SKAP1: variants seen among roughly 807,000 people sequenced by gnomAD.
SKAP1 encodes src kinase associated phosphoprotein 1, also known as src kinase-associated phosphoprotein 1.
SKAP1 carries 44 observed loss-of-function variants against 58.5 expected under a neutral mutation model. That is an observed-to-expected ratio of 0.75 (90% CI 0.59 to 0.97). SKAP1 has a LOEUF of 0.97. Among genes scored for constraint, SKAP1 ranks in the 50% least tolerant of loss-of-function variants. The probability of loss-of-function intolerance (pLI) is 0.00; values close to 1 mark genes in which losing one functional copy is unlikely to be tolerated. For synonymous variants in SKAP1, 127 were observed against 149.7 expected (o/e 0.85, Z 1.11); for missense variants, 390 against 435.2 (o/e 0.90, Z 0.92).
intron 4 of SKAP1, among the ~76,000 whole-genome samples, chr17:48,264,547 T>A (rs2065520581): frequency 6.6e-6 from 1 of 152,158 alleles, no homozygotes. Context: ...GACAACCTAT[T>A]AATCCAAGGC....
At chr17:48,376,049 A>T (rs2067146596) in intron 2 of SKAP1, among the ~76,000 whole-genome samples, 1 of 151,938 alleles carries the variant, frequency 6.6e-6, no homozygotes, top group South Asian at 2.1e-4. Flanking sequence ...TGTACAAATA[A>T]CTCCAGCTGA....
At chr17:48,206,515 T>C (rs931441659) in intron 4 of SKAP1, among the ~76,000 whole-genome samples, 1 of 152,076 alleles carries the variant, frequency 6.6e-6, no homozygotes, top group Non-Finnish European at 1.5e-5. Flanking sequence ...GTAAATAATA[T>C]TTACATAGTT....
chr17:48,390,286 T>G (rs1320173677), intron 2 of SKAP1, among the ~76,000 whole-genome samples: 1 of 152,200 alleles, frequency 6.6e-6, no homozygotes, highest in African/African-American at 2.4e-5. Context: ...TTCATTGGCT[T>G]TCCTTAAACA....
At chr17:48,262,640 T>C (rs1342565335) in intron 4 of SKAP1, among the ~76,000 whole-genome samples, 1 of 152,246 alleles carries the variant, frequency 6.6e-6, no homozygotes. Context: ...AAATTTTAAA[T>C]TTCTTATCCT....
chr17:48,376,120 C>T (rs561843191), intron 2 of SKAP1, among the ~76,000 whole-genome samples: 14 of 146,418 alleles, frequency 9.6e-5, no homozygotes, highest in Non-Finnish European at 1.4e-4. Flanking sequence ...TCACTGTTGA[C>T]GCTTAAAAAC....
At chr17:48,347,039 G>A (rs1454929386) in intron 3 of SKAP1, among the ~76,000 whole-genome samples, 1 of 152,158 alleles carries the variant, frequency 6.6e-6, no homozygotes, top group African/African-American at 2.4e-5. Flanking sequence ...ATATACATTG[G>A]ATTGTATTCT....
chr17:48,324,465 T>A (rs2066406700), intron 4 of SKAP1, among the ~76,000 whole-genome samples: 1 of 152,130 alleles, frequency 6.6e-6, no homozygotes, highest in South Asian at 2.1e-4. Flanking sequence ...TATACATGTT[T>A]TGGTGAAGAG....
At chr17:48,313,525 G>A (rs1309043334) in intron 4 of SKAP1, among the ~76,000 whole-genome samples, 1 of 152,088 alleles carries the variant, frequency 6.6e-6, no homozygotes, top group Non-Finnish European at 1.5e-5. Context: ...GTTTCAAGCT[G>A]CTTGGCAACA....
At chr17:48,264,703 A>T (rs1370616672) in intron 4 of SKAP1, among the ~76,000 whole-genome samples, 3 of 151,970 alleles carry the variant, frequency 2.0e-5, no homozygotes, top group Non-Finnish European at 4.4e-5. Flanking sequence ...TTCTATCTTT[A>T]AATAAAGCAA....
At chr17:48,370,575 G>A (rs2067071050) in intron 2 of SKAP1, among the ~76,000 whole-genome samples, 1 of 152,122 alleles carries the variant, frequency 6.6e-6, no homozygotes, top group South Asian at 2.1e-4. Context: ...CGGATTACAA[G>A]CGTGAGCCAC....
rs571840023 is a variant in SKAP1 at position 48,165,558 on chromosome 17, G to A, written c.878-2989C>T. 1.1e-3 allele frequency among the ~76,000 whole-genome samples: 173 copies of A among 151,890 alleles called. 1 individual carries two copies. The highest frequency in any genetic ancestry group is 3.9e-3 in the African/African-American group (162 of 41,412). On this transcript the variant is annotated intron_variant, in intron 10 of 12. Transcript: ENST00000336915. ...TGGGATTACAGGCACGTGCCACCAC[G>A]CCCAGCTAATTTTGTATTTTTAGTA...
At chr17:48,352,998 G>A (rs1298426704) in intron 3 of SKAP1, among the ~76,000 whole-genome samples, 2 of 152,136 alleles carry the variant, frequency 1.3e-5, no homozygotes, top group Admixed American at 1.3e-4. Flanking sequence ...CTTTAATAAA[G>A]TAAATCTATA....
At chr17:48,379,709 T>A (rs1052599156) in intron 2 of SKAP1, among the ~76,000 whole-genome samples, 1 of 144,228 alleles carries the variant, frequency 6.9e-6, no homozygotes, top group Admixed American at 7.2e-5. Flanking sequence ...TGAGACAGAG[T>A]CTTACTCTGT....
the SKAP1 span, among the ~76,000 whole-genome samples, chr17:48,436,849 T>C: frequency 2.6e-5 from 4 of 152,194 alleles, no homozygotes; most frequent in Non-Finnish European, 5.9e-5. Context: ...CTCTCCTTTG[T>C]CTTCACCAGC....
intron 4 of SKAP1, among the ~76,000 whole-genome samples, chr17:48,196,162 C>T (rs2064626203): frequency 6.6e-6 from 1 of 152,130 alleles, no homozygotes; most frequent in African/African-American, 2.4e-5. Flanking sequence ...CTGAAGGTTG[C>T]TCAGTTGGAA....
the SKAP1 span, among the ~76,000 whole-genome samples, chr17:48,443,818 A>G: frequency 6.6e-6 from 1 of 152,150 alleles, no homozygotes; most frequent in African/African-American, 2.4e-5. Context: ...AATAATTTCA[A>G]ACTTACAGAA....
At chr17:48,395,599 A>G (rs2067407632) in intron 2 of SKAP1, among the ~76,000 whole-genome samples, 1 of 152,150 alleles carries the variant, frequency 6.6e-6, no homozygotes, top group Admixed American at 6.5e-5. Flanking sequence ...TGTTTTAAAC[A>G]CTCTTTCAAC....
At chr17:48,359,229 T>C (rs1255337303) in intron 3 of SKAP1, among the ~76,000 whole-genome samples, 3 of 152,202 alleles carry the variant, frequency 2.0e-5, no homozygotes, top group South Asian at 2.1e-4. Flanking sequence ...TGTCAACTTA[T>C]GGCCGATCTC....
intron 4 of SKAP1, among the ~76,000 whole-genome samples, chr17:48,256,670 A>C (rs1420526834): frequency 6.6e-6 from 1 of 152,082 alleles, no homozygotes; most frequent in East Asian, 1.9e-4. Context: ...TCTGTTTATC[A>C]GTGCTGAGAA....
Sources: allele counts gnomAD v4.1 joint callset (sites outside exome capture counted in the v4.1 genomes callset), GRCh38; gene constraint gnomAD v4.1.1; transcripts MANE v1.5; gene names NCBI Gene and HGNC (gene_info 2026-07-23, HGNC 2026-07-21).